Variants in MTOR observed in about 807,000 individuals in gnomAD.
MTOR encodes the protein mechanistic target of rapamycin kinase.
MTOR carries 70 observed loss-of-function variants against 319.8 expected under a neutral mutation model. The observed-to-expected ratio is 0.22, with a 90% CI of 0.18 to 0.27. MTOR has a LOEUF of 0.27. Ranked by LOEUF, MTOR falls within the 10% of genes least tolerant of loss-of-function variation. The pLI is 1.00. For synonymous variants in MTOR, 1,183 were observed against 1,211.4 expected (o/e 0.98, Z 0.49); for missense variants, 1,890 against 3,274.4 (o/e 0.58, Z 10.32).
intron 49 of MTOR, among the ~76,000 whole-genome samples, chr1:11,120,926 A>C (rs770796529): frequency 1.4e-4 from 21 of 152,322 alleles, no homozygotes; most frequent in Non-Finnish European, 2.6e-4. Context: ...CAAACCAAAC[A>C]AAAACTCCAA....
chr1:11,213,602 G>T (rs758990822), intron 20 of MTOR, 36 bp from the exon 21 acceptor site: 10 of 1,597,424 alleles, frequency 6.3e-6, no homozygotes, highest in Non-Finnish European at 8.6e-6. Flanking sequence ...GCTGAGTCAG[G>T]TCCCTTTCTG....
rs1644351423 is a variant in MTOR at position 11,157,375 on chromosome 1, G to A, written c.4330-84C>T. On this transcript the variant is annotated intron_variant, in intron 29 of 57. Transcript: ENST00000361445. ...TAATCCACATACTCTCTTTCCTAAT[G>A]TGCTGCTGTACGCATGACACTTCAC... The A allele has an allele frequency of 9.3e-6, 14 of 1,502,148 alleles. No homozygotes were observed. In the South Asian group the frequency reaches 1.8e-4, roughly 20 times the overall value. The allele number at this position is 1,502,148 out of a possible 1,614,324, so 93.1% of individuals were successfully genotyped here.
intron 11 of MTOR, 150 bp downstream of exon 11, chr1:11,240,153 G>C (rs1235636518): frequency 2.8e-6 from 3 of 1,073,826 alleles, no homozygotes; most frequent in Non-Finnish European, 3.8e-6. Flanking sequence ...CCAATACGTG[G>C]AAAGAGTCTA....
At chr1:11,231,939 C>T (rs897932435) in intron 16 of MTOR, among the ~76,000 whole-genome samples, 2 of 151,954 alleles carry the variant, frequency 1.3e-5, no homozygotes, top group South Asian at 2.1e-4. Flanking sequence ...AGGTTGCTCT[C>T]GCTCTGGAGC....
chr1:11,231,944 TGGAG>T (rs1647031237), intron 16 of MTOR, among the ~76,000 whole-genome samples: 1 of 152,130 alleles, frequency 6.6e-6, no homozygotes, highest in Non-Finnish European at 1.5e-5. Context: ...GCTCTCGCTC[TGGAG>T]CTCAAGCAAT....
At chr1:11,167,714 C>T (rs1644690028) in intron 28 of MTOR, among the ~76,000 whole-genome samples, 197 bp from the exon 29 acceptor site, 4 of 152,178 alleles carry the variant, frequency 2.6e-5, no homozygotes, top group Admixed American at 2.6e-4. Flanking sequence ...TGCTCTCCTC[C>T]CATGATTCTG....
At chr1:11,189,778 A>G (rs772556112) in intron 28 of MTOR, 21 of 1,614,100 alleles carry the variant, frequency 1.3e-5, no homozygotes, top group Admixed American at 3.3e-5. Flanking sequence ...GAGTGAACTG[A>G]ACAAGAAGCA....
At chr1:11,252,168 A>G (rs565469892) in intron 6 of MTOR, among the ~76,000 whole-genome samples, 14 of 152,336 alleles carry the variant, frequency 9.2e-5, no homozygotes, top group African/African-American at 3.1e-4. Context: ...ACTTTAAATC[A>G]TCTCTATGTT....
At chr1:11,164,175 T>G (rs1644564070) in intron 29 of MTOR, among the ~76,000 whole-genome samples, 1 of 150,760 alleles carries the variant, frequency 6.6e-6, no homozygotes, top group Non-Finnish European at 1.5e-5. Context: ...AAACCCCATC[T>G]CTATAAAAAA....
Position 11,150,031 on chromosome 1 carries a change from G to A in MTOR, c.4570+95C>T, listed in dbSNP as rs189656662. 4.3e-4 allele frequency: 453 copies of A among 1,051,604 alleles called. 2 individuals are homozygous for A. In the Middle Eastern group the frequency reaches 6.9e-3, roughly 16 times the overall value. The allele number at this position is 1,051,604 out of a possible 1,614,324, so 65.1% of individuals were successfully genotyped here. ...CCATTTTTACCCTTCCATAGACCTG[G>A]ATCTCCACCTAGAGCCAGCACCTTA... On this transcript the variant is annotated intron_variant, in intron 31 of 57. Coordinates refer to ENST00000361445, the MANE Select transcript of MTOR (RefSeq NM_004958.4).
intron 29 of MTOR, among the ~76,000 whole-genome samples, chr1:11,159,923 A>G (rs1264970594): frequency 3.9e-5 from 6 of 152,140 alleles, no homozygotes; most frequent in African/African-American, 7.2e-5. Context: ...TTGATGCTTT[A>G]TGTATTTTAG....
intron 4 of MTOR, 137 bp from the exon 5 acceptor site, chr1:11,256,329 G>T (rs1190612382): frequency 6.9e-7 from 1 of 1,445,930 alleles, no homozygotes; most frequent in Non-Finnish European, 9.1e-7. Flanking sequence ...AGGAAATTCT[G>T]AGGACAGAGG....
At chr1:11,137,765 G>A (rs983402261) in intron 36 of MTOR, among the ~76,000 whole-genome samples, 2 of 152,168 alleles carry the variant, frequency 1.3e-5, no homozygotes, top group Non-Finnish European at 2.9e-5. Flanking sequence ...TCTTGTCTAG[G>A]AAAACATGAT....
At chr1:11,170,680 C>CTTTTTTTTTTTTTTT (rs774656512) in intron 28 of MTOR, among the ~76,000 whole-genome samples, 2 of 142,784 alleles carry the variant, frequency 1.4e-5, no homozygotes, top group African/African-American at 5.1e-5. Flanking sequence ...CTATCCTTTT[C>CTTTTTTTTTTTTTTT]TTTTTTTTTT....
chr1:11,151,031 A>T (rs1231080980), intron 30 of MTOR, among the ~76,000 whole-genome samples: 1 of 152,162 alleles, frequency 6.6e-6, no homozygotes, highest in Non-Finnish European at 1.5e-5. Context: ...AGGATGATTT[A>T]ACTTGGCACT....
At position 11,121,843 on chromosome 1, in the gene MTOR, T is replaced by C; in HGVS notation, c.6810+136A>G. 1 of 1,207,420 alleles carries C rather than the reference T, an allele frequency of 8.3e-7. No homozygotes were observed. The highest frequency in any genetic ancestry group is 1.1e-6 in the Non-Finnish European group (1 of 874,576). 74.8% of individuals were successfully genotyped at this position (1,207,420 alleles called of 1,614,324 possible). On this transcript the variant is annotated intron_variant, in intron 48 of 57. Coordinates refer to ENST00000361445, the MANE Select transcript of MTOR (RefSeq NM_004958.4). This position sits in a 1 kb window ranked among gnomAD's most constrained non-coding sequence, Gnocchi z 4.9. ...AGCTTATCTGCTTTAGGACTCACTT[T>C]ATTAAACCTTCTTCAAAGCTGATTC...
At chr1:11,194,195 T>G (rs987280162) in intron 28 of MTOR, among the ~76,000 whole-genome samples, 3 of 152,172 alleles carry the variant, frequency 2.0e-5, no homozygotes, top group African/African-American at 7.2e-5. Context: ...AGCAAAAACA[T>G]AGCTGCACCT....
chr1:11,194,862 T>C, intron 28 of MTOR: 1 of 1,614,074 alleles, frequency 6.2e-7, no homozygotes, highest in Non-Finnish European at 8.5e-7. Flanking sequence ...AGGTGGCTAC[T>C]GGTACAACTG....
intron 13 of MTOR, 75 bp from the exon 14 acceptor site, chr1:11,234,340 G>C: frequency 1.3e-6 from 2 of 1,512,936 alleles, no homozygotes; most frequent in South Asian, 1.3e-5. Context: ...AACAGAAAAA[G>C]TGGCAGGGAA....
Sources: allele counts gnomAD v4.1 joint callset (sites outside exome capture counted in the v4.1 genomes callset), GRCh38; gene constraint gnomAD v4.1.1; non-coding constraint Gnocchi (gnomAD v3.1); transcripts MANE v1.5; gene names NCBI Gene and HGNC (gene_info 2026-07-23, HGNC 2026-07-21).